SPATA31C2: variants seen among roughly 807,000 people sequenced by gnomAD.
SPATA31C2 encodes the protein spermatogenesis-associated protein 31C2.
SPATA31C2 carries 5 observed loss-of-function variants against 11.4 expected under a neutral mutation model. The observed-to-expected ratio is 0.44, with a 90% confidence interval of 0.23 to 0.92. The LOEUF (loss-of-function observed/expected upper bound fraction) is 0.92. Ranked by LOEUF, SPATA31C2 falls within the 40% of genes least tolerant of loss-of-function variation. SPATA31C2 has a pLI of 0.24. For missense variants in SPATA31C2, 1,353 were observed against 1,368.6 expected (o/e 0.99, Z 0.18); for synonymous variants, 515 against 538.7 (o/e 0.96, Z 0.61).
chr9:88,132,077 A>C lies in SPATA31C2; in HGVS notation c.960T>G (p.Leu320=). The C allele has an allele frequency of 6.2e-7, 1 of 1,610,748 alleles. No individual in the cohort carries two copies. The highest frequency in any genetic ancestry group is 8.5e-7 in the Non-Finnish European group (1 of 1,177,644). ...RQRDTTMSPL[L]FQAQPLSHLE... ...GATGGGACAGGGGCTGGGCCTGGAA[A>C]AGCAGTGGGGACATTGTAGTGTCCC... is the stretch of plus-strand genomic sequence containing the variant. Residue 320 remains leucine, a synonymous_variant, in exon 4 of 4, where the codon CTT becomes CTG. Coordinates refer to ENST00000324915, the MANE Select transcript of SPATA31C2 (RefSeq NM_001350978.3).
At position 88,130,452 on chromosome 9, in the gene SPATA31C2, C is replaced by T. The variant is rs765727116; in HGVS notation, c.2585G>A (p.Gly862Glu). 2 of 1,613,188 alleles carry T rather than the reference C, an allele frequency of 1.2e-6. No homozygotes were observed. The highest frequency in any genetic ancestry group is 2.2e-5 in the South Asian group (2 of 91,070). ...MEEAVSEFEPGKATKSETQPQ... is the reference protein window; with the variant it reads ...MEEAVSEFEPEKATKSETQPQ... Reference sequence around the variant, plus strand: ...CTGGGTCTCTGACTTCGTGGCCTTTCCAGGCTCAAATTCACTAACAGCCTC... The same window carrying T: ...CTGGGTCTCTGACTTCGTGGCCTTTTCAGGCTCAAATTCACTAACAGCCTC... Residue 862 changes from glycine (G) to glutamate (E), a missense_variant, in exon 4 of 4, where the codon GGA (glycine) becomes GAA (glutamate). By Grantham distance (98) the Gly-to-Glu change is moderately conservative. This residue lies in a region of SPATA31C2 where 1,075 missense variants were observed against 992.8 expected (regional missense o/e 1.08). Transcript: ENST00000324915.
Position 88,133,687 on chromosome 9 carries a change from G to T in SPATA31C2, c.190-18C>A. 2 of 1,603,142 alleles carry T rather than the reference G, an allele frequency of 1.2e-6. No homozygotes were observed. The highest frequency in any genetic ancestry group is 1.1e-5 in the South Asian group (1 of 90,960). On this transcript the variant is annotated intron_variant, in intron 1 of 3. Transcript: ENST00000324915. Reference sequence around the variant, plus strand: ...AGATGACGCTGGGAGACAAGAAATGGCGAGGAGCTAGGACCGGCTCTCCCT... The same window carrying T: ...AGATGACGCTGGGAGACAAGAAATGTCGAGGAGCTAGGACCGGCTCTCCCT...
chr9:88,132,034 G>T lies in SPATA31C2; in HGVS notation c.1003C>A (p.Pro335Thr). 6.2e-6 allele frequency: 10 copies of T among 1,610,934 alleles called. No individual in the cohort carries two copies. Among genetic ancestry groups the T allele is most frequent in the Non-Finnish European group, 8.5e-6 (10 of 1,177,750 alleles). Residue 335 changes from proline (P) to threonine (T), a missense_variant, in exon 4 of 4, where the codon CCC becomes ACC. By Grantham distance (38) the Pro-to-Thr change is conservative. Coordinates refer to ENST00000324915, the MANE Select transcript of SPATA31C2 (RefSeq NM_001350978.3). ...PLSHLEPESQ[P>T]FISSTPQFWP... Reference sequence around the variant, plus strand: ...AATTGGGGTGTGGATGAAATAAAGGGTTGGGACTCAGGCTCCAGATGGGAC... The same window carrying T: ...AATTGGGGTGTGGATGAAATAAAGGTTTGGGACTCAGGCTCCAGATGGGAC...
Position 88,130,973 on chromosome 9 carries a change from G to A in SPATA31C2, c.2064C>T (p.Pro688=), listed in dbSNP as rs200010156. 269 of 1,612,814 alleles carry A rather than the reference G, an allele frequency of 1.7e-4. No homozygotes were observed. Among genetic ancestry groups the A allele is most frequent in the Non-Finnish European group, 5.9e-5 (70 of 1,179,874 alleles). The stretch of plus-strand genomic sequence containing the variant: ...CCCCAGATTCGCAGGTGTCTGAGGA[G>A]GGACCAGCAAGCTGTATAAGGGACA... ...SSLSLIQLAG[P]SSDTCESGAG... is the part of the protein sequence containing the mutation. Residue 688 remains proline (P), a synonymous_variant, in exon 4 of 4, where the codon CCC becomes CCT. Transcript: ENST00000324915.
At chr9:88,132,914 G>T in intron 3 of SPATA31C2, 52 bp downstream of exon 3, 1 of 1,342,856 alleles carries the variant, frequency 7.4e-7, no homozygotes, top group Non-Finnish European at 9.9e-7. Flanking sequence ...GTGGCCCTGG[G>T]GTCACGTCCC....
chr9:88,131,766 C>T lies in SPATA31C2; in HGVS notation c.1271G>A (p.Ser424Asn). 3 of 1,611,838 alleles carry T rather than the reference C, an allele frequency of 1.9e-6. No homozygotes were observed. The highest frequency in any genetic ancestry group is 2.5e-6 in the Non-Finnish European group (3 of 1,179,754). Reference sequence around the variant, plus strand: ...CTGGGGAAGGTTAGGAGTGGAGACACTAAAGACGTCCTGAGATTTTTGGAC... The same window carrying T: ...CTGGGGAAGGTTAGGAGTGGAGACATTAAAGACGTCCTGAGATTTTTGGAC... Reference protein sequence around the residue: ...SRVQKSQDVFSVSTPNLPQER... With the variant: ...SRVQKSQDVFNVSTPNLPQER... Residue 424 changes from serine (S) to asparagine (N), a missense_variant, in exon 4 of 4, where the codon AGT (serine) becomes AAT (asparagine). By Grantham distance (46) the Ser-to-Asn change is conservative (BLOSUM62 1). Transcript: ENST00000324915.
At chr9:88,134,685 C>CCA (rs1825655695) in intron 1 of SPATA31C2, 1 of 1,052,780 alleles carries the variant, frequency 9.5e-7, no homozygotes. Context: ...GCAGAAGTCT[C>CCA]CACTGGATTT....
chr9:88,131,848 G>T lies in SPATA31C2; in HGVS notation c.1189C>A (p.Pro397Thr), dbSNP rs1411712263. 1.9e-6 allele frequency: 3 copies of T among 1,611,114 alleles called. No homozygotes were observed. The highest frequency in any genetic ancestry group is 2.5e-6 in the Non-Finnish European group (3 of 1,179,322). The change falls in exon 4 of 4, where the codon CCT becomes ACT. Residue 397 changes from proline (P) to threonine (T), a missense_variant. Around this residue, in one of 6 missense-constraint regions of SPATA31C2, gnomAD observed 1,075 missense variants for 992.8 expected, o/e 1.08. Transcript: ENST00000324915. The part of the protein sequence containing the change: ...QALSLPETQH[P>T]ERPLLKKQLE... The stretch of plus-strand genomic sequence containing the variant: ...TGTTTCTTCAACAAAGGCCTTTCAG[G>T]GTGCTGAGTTTCAGGTAGGGAGAGA...
In SPATA31C2 at chr9:88,131,981, C is replaced by A; in HGVS notation, c.1056G>T (p.Glu352Asp). The A allele has an allele frequency of 6.2e-7, 1 of 1,610,824 alleles. No individual in the cohort carries two copies. The highest frequency in any genetic ancestry group is 8.5e-7 in the Non-Finnish European group (1 of 1,177,762). ...AAGAGGATTGAAGATGGGCCTGAGC[C>A]TCGGCCTGAGCCATAGGTGTGGGCC... ...QFWPTPMAQA[E>D]AQAHLQSSFP... The change falls in exon 4 of 4, where the codon GAG (glutamate) becomes GAT (aspartate). Residue 352 changes from glutamate to aspartate, a missense_variant. By Grantham distance (45) the Glu-to-Asp change is conservative (BLOSUM62 2). This residue lies in a region of SPATA31C2 where 1,075 missense variants were observed against 992.8 expected (regional missense o/e 1.08). Coordinates refer to ENST00000324915, the MANE Select transcript of SPATA31C2 (RefSeq NM_001350978.3).
intron 1 of SPATA31C2, 25 bp from the exon 2 acceptor site, chr9:88,133,694 G>A (rs1190885748): frequency 1.9e-6 from 3 of 1,602,686 alleles, no homozygotes; most frequent in African/African-American, 1.3e-5. Flanking sequence ...ATGGCGAGGA[G>A]CTAGGACCGG....
chr9:88,133,738 C>G, intron 1 of SPATA31C2, 69 bp from the exon 2 acceptor site: 1 of 1,592,588 alleles, frequency 6.3e-7, no homozygotes, highest in Non-Finnish European at 8.6e-7. Context: ...AGCCGCAGCA[C>G]GCTGCACTCA....
At position 88,129,852 on chromosome 9, in the gene SPATA31C2, A is replaced by G. The variant is rs770524327; in HGVS notation, c.3185T>C (p.Ile1062Thr). 5.0e-6 allele frequency: 8 copies of G among 1,604,808 alleles called. No individual in the cohort carries two copies. In the African/African-American group the frequency reaches 5.4e-5, roughly 11 times the overall value. Residue 1062 changes from isoleucine to threonine, a missense_variant, in exon 4 of 4, where the codon ATA becomes ACA. This residue lies in a region of SPATA31C2 where 187 missense variants were observed against 205.8 expected (regional missense o/e 0.91). Transcript: ENST00000324915. ...AERLMTAVGQ[I>T]LEENMSLCHA... is the part of the protein sequence containing the mutation. ...GCAAAGTGACATGTTCTCCTCCAGT[A>G]TCTGTCCAACTGCTGTCATGAGCCT...
At position 88,131,750 on chromosome 9, in the gene SPATA31C2, G is replaced by A. The variant is rs577735148; in HGVS notation, c.1287C>T (p.Asn429=). ...TGGATGTCAGTCTTTCCTGGGGAAG[G>A]TTAGGAGTGGAGACACTAAAGACGT... ...SQDVFSVSTP[N]LPQERLTSIL... is the part of the protein sequence containing the mutation. The change falls in exon 4 of 4, where the codon AAC becomes AAT. Residue 429 remains asparagine (N), a synonymous_variant. Transcript: ENST00000324915. 5.0e-6 allele frequency: 8 copies of A among 1,611,912 alleles called. No individual in the cohort carries two copies. The Admixed American group carries it at 8.3e-5, about 17-fold the overall frequency.
At position 88,132,403 on chromosome 9, in the gene SPATA31C2, G is replaced by A; in HGVS notation, c.634C>T (p.His212Tyr). 2 of 1,611,214 alleles carry A rather than the reference G, an allele frequency of 1.2e-6. No homozygotes were observed. The highest frequency in any genetic ancestry group is 2.2e-5 in the East Asian group (1 of 44,730). Residue 212 changes from histidine to tyrosine, a missense_variant, in exon 4 of 4, where the codon CAC becomes TAC. Around this residue, in one of 6 missense-constraint regions of SPATA31C2, gnomAD observed 1,075 missense variants for 992.8 expected, o/e 1.08. Coordinates refer to ENST00000324915, the MANE Select transcript of SPATA31C2 (RefSeq NM_001350978.3). ...PSPEPPALFP[H>Y]PPRTPDPLAC... ...AGAGGATCAGGAGTGCGTGGTGGGT[G>A]AGGGAAAAGTGCAGGTGGCTCGGGT...
Position 88,132,281 on chromosome 9 carries a change from TGGAAGTGCCACTGAGTCACAG to T in SPATA31C2, c.735_755del (p.His245_Pro252delinsGln), listed in dbSNP as rs767687335. 1 of 1,610,652 alleles carries T rather than the reference TGGAAGTGCCACTGAGTCACAG, an allele frequency of 6.2e-7. No individual in the cohort carries two copies. The highest frequency in any genetic ancestry group is 1.1e-5 in the South Asian group (1 of 91,016). On this transcript the variant is annotated inframe_deletion, in exon 4 of 4. Coordinates refer to ENST00000324915, the MANE Select transcript of SPATA31C2 (RefSeq NM_001350978.3). ...ACAAGCTTTGAGGGACGGTGTCCAG[TGGAAGTGCCACTGAGTCACAG>T]TGAGATGGTGTTAACAGAGTGGAGT...
At chr9:88,135,677 G>A (rs1441212677) in intron 1 of SPATA31C2, among the ~76,000 whole-genome samples, 23 of 130,362 alleles carry the variant, frequency 1.8e-4, no homozygotes, top group Non-Finnish European at 2.9e-4. Flanking sequence ...ACCACGCCCT[G>A]CTAATTTCTT....
rs1825599512 is a variant in SPATA31C2 at position 88,131,749 on chromosome 9, G to A, written c.1288C>T (p.Leu430Phe). 6.2e-7 allele frequency: 1 copy of A among 1,611,792 alleles called. No individual in the cohort carries two copies. Among genetic ancestry groups the A allele is most frequent in the African/African-American group, 1.3e-5 (1 of 74,840 alleles). ...ATGGATGTCAGTCTTTCCTGGGGAA[G>A]GTTAGGAGTGGAGACACTAAAGACG... ...QDVFSVSTPN[L>F]PQERLTSILP... The change falls in exon 4 of 4, where the codon CTT (leucine) becomes TTT (phenylalanine). Residue 430 changes from leucine (L) to phenylalanine (F), a missense_variant. This residue lies in a region of SPATA31C2 where 1,075 missense variants were observed against 992.8 expected (regional missense o/e 1.08). Transcript: ENST00000324915.
intron 1 of SPATA31C2, among the ~76,000 whole-genome samples, chr9:88,137,979 C>G (rs1284177579): frequency 9.1e-6 from 1 of 110,076 alleles, no homozygotes; most frequent in Non-Finnish European, 1.7e-5. Flanking sequence ...CCTCCCCCGT[C>G]TCATGACCGG....
intron 1 of SPATA31C2, among the ~76,000 whole-genome samples, chr9:88,136,357 G>C: frequency 7.4e-6 from 1 of 135,314 alleles, no homozygotes; most frequent in Non-Finnish European, 1.6e-5. Context: ...ATCGGTTCGT[G>C]CCTTTAGCCC....
Sources: gnomAD v4.1 joint callset for allele counts (sites outside exome capture counted in the v4.1 genomes callset) on GRCh38, gnomAD v4.1.1 for gene constraint, gnomAD v4.1.1 regional missense constraint, MANE v1.5 for transcripts, NCBI Gene and HGNC (gene_info 2026-07-23, HGNC 2026-07-21) for gene names.